Variants in USP34 observed in about 807,000 individuals in gnomAD.
The protein encoded by USP34 is ubiquitin specific peptidase 34, also known as ubiquitin carboxyl-terminal hydrolase 34.
USP34 carries 70 observed loss-of-function variants against 460.3 expected under a neutral mutation model. The ratio of observed to expected loss-of-function variants is 0.15; its 90% CI spans 0.13 to 0.19. The LOEUF is 0.19. USP34 is among the 10% of genes least tolerant of loss of function. USP34 has a pLI of 1.00. For synonymous variants in USP34, 1,647 were observed against 1,405.3 expected, an observed-to-expected ratio of 1.17 and a Z score of -3.85; for missense variants, 3,985 against 4,236.2, an observed-to-expected ratio of 0.94 and a Z score of 1.65.
intron 21 of USP34, among the ~76,000 whole-genome samples, chr2:61,322,709 G>A (rs776131323): frequency 4.6e-5 from 7 of 152,108 alleles, no homozygotes; most frequent in Non-Finnish European, 1.0e-4. Flanking sequence ...AGTTTTATCA[G>A]AAAAAAGTTA....
chr2:61,390,657 CA>C (rs1693316493), intron 5 of USP34, among the ~76,000 whole-genome samples: 1 of 152,154 alleles, frequency 6.6e-6, no homozygotes, highest in African/African-American at 2.4e-5. Context: ...GAGATTGAAA[CA>C]AATGTATGGG....
intron 34 of USP34, among the ~76,000 whole-genome samples, chr2:61,288,321 A>G (rs1378605085): frequency 6.6e-6 from 1 of 152,202 alleles, no homozygotes; most frequent in Non-Finnish European, 1.5e-5. Context: ...TTTTGTTTTT[A>G]AAGCCTTGTA....
intron 69 of USP34, among the ~76,000 whole-genome samples, chr2:61,209,717 A>G (rs1304547541): frequency 1.3e-5 from 2 of 152,234 alleles, no homozygotes; most frequent in Non-Finnish European, 2.9e-5. Context: ...TTATTTCAAA[A>G]AAAGTTAAAT....
At chr2:61,308,319 T>G (rs536298336) in intron 27 of USP34, among the ~76,000 whole-genome samples, 2 of 152,032 alleles carry the variant, frequency 1.3e-5, no homozygotes, top group Non-Finnish European at 2.9e-5. Flanking sequence ...ACTTTAAAAA[T>G]AGGCATATTT....
intron 8 of USP34, among the ~76,000 whole-genome samples, chr2:61,375,153 T>C (rs764220874): frequency 6.6e-6 from 1 of 152,166 alleles, no homozygotes; most frequent in Non-Finnish European, 1.5e-5. Flanking sequence ...AAAGCTGCTC[T>C]ACATCATTAA....
intron 19 of USP34, 54 bp from the exon 20 acceptor site, chr2:61,331,425 A>T (rs995530299): frequency 6.9e-7 from 1 of 1,450,210 alleles, no homozygotes; most frequent in African/African-American, 1.4e-5. Flanking sequence ...AAGAGAATAA[A>T]TCTATGCTAT....
intron 48 of USP34, chr2:61,250,144 G>C (rs1417173894): frequency 6.4e-6 from 1 of 157,042 alleles, no homozygotes; most frequent in African/African-American, 2.4e-5. Flanking sequence ...CAACTACTCG[G>C]GAGGCTGAGG....
chr2:61,200,420 A>T (rs1026089307), intron 75 of USP34: 3 of 151,986 alleles, frequency 2.0e-5, no homozygotes, highest in African/African-American at 4.8e-5. Context: ...AAACACTCCA[A>T]CCCTCTCGCT....
chr2:61,442,757 G>A (rs1032387127), intron 1 of USP34, among the ~76,000 whole-genome samples: 10 of 152,108 alleles, frequency 6.6e-5, no homozygotes, highest in Non-Finnish European at 1.3e-4. Flanking sequence ...CCACTGCTAG[G>A]CATTTATCCA....
rs565572565 is a variant in USP34 at position 61,225,392 on chromosome 2, A to G, written c.7595+1675T>C. ...ACAATTCTTTTTGTCCTTCATATAC[A>G]TCCCACTAGAAATTTACCTATTTAA... On this transcript the variant is annotated intron_variant, in intron 62 of 79. Transcript: ENST00000398571. 3.9e-5 allele frequency among the ~76,000 whole-genome samples: 6 copies of G among 152,148 alleles called. No individual in the cohort carries two copies. In the East Asian group the frequency reaches 1.2e-3, roughly 29 times the overall value.
intron 23 of USP34, among the ~76,000 whole-genome samples, chr2:61,315,395 C>CA (rs1690712742): frequency 6.7e-6 from 1 of 149,064 alleles, no homozygotes; most frequent in African/African-American, 2.5e-5. Flanking sequence ...TTTTTGAGAA[C>CA]AGAGTCTCAC....
chr2:61,443,370 AAC>A (rs1260719134), intron 1 of USP34, among the ~76,000 whole-genome samples: 2 of 152,176 alleles, frequency 1.3e-5, no homozygotes, highest in African/African-American at 4.8e-5. Context: ...TATATGTATC[AAC>A]ACATCACTAT....
Position 61,350,703 on chromosome 2 carries a change from C to G in USP34, c.1252-10G>C, listed in dbSNP as rs1339953510. 6.2e-7 allele frequency: 1 copy of G among 1,603,926 alleles called. No individual in the cohort carries two copies. The highest frequency in any genetic ancestry group is 1.7e-5 in the Admixed American group (1 of 57,334). ...GACTACAATGTTTCAACTAGAAAATCAAGTTAGAGAGAATGGTCAAAAATA... is the reference window on the plus strand; with the variant it reads ...GACTACAATGTTTCAACTAGAAAATGAAGTTAGAGAGAATGGTCAAAAATA... On this transcript the variant is annotated splice_polypyrimidine_tract_variant and intron_variant, in intron 10 of 79. Coordinates refer to ENST00000398571, the MANE Select transcript of USP34 (RefSeq NM_014709.4).
intron 1 of USP34, among the ~76,000 whole-genome samples, chr2:61,464,314 G>C (rs575100445): frequency 6.6e-6 from 1 of 152,124 alleles, no homozygotes; most frequent in African/African-American, 2.4e-5. Flanking sequence ...GTGAGACTCC[G>C]TCTCAAAAAC....
intron 5 of USP34, among the ~76,000 whole-genome samples, chr2:61,388,707 G>C (rs907203624): frequency 2.6e-4 from 39 of 151,898 alleles, no homozygotes; most frequent in African/African-American, 8.7e-4. Flanking sequence ...AGTGAGCTGA[G>C]ATCACGCCAC....
At chr2:61,312,482 G>A (rs1272526436) in intron 25 of USP34, among the ~76,000 whole-genome samples, 5 of 150,606 alleles carry the variant, frequency 3.3e-5, no homozygotes, top group Admixed American at 3.3e-4. Context: ...TTTCAGATGT[G>A]GAAGACAGGA....
At chr2:61,455,195 T>C (rs943456022) in intron 1 of USP34, among the ~76,000 whole-genome samples, 4 of 151,336 alleles carry the variant, frequency 2.6e-5, no homozygotes, top group Non-Finnish European at 5.9e-5. Context: ...TTGTTTGTTT[T>C]TGAGACAGAG....
intron 33 of USP34, among the ~76,000 whole-genome samples, chr2:61,289,518 C>CA (rs1689785535): frequency 6.6e-6 from 1 of 152,018 alleles, no homozygotes; most frequent in South Asian, 2.1e-4. Flanking sequence ...CACTTATGTA[C>CA]AAGATGAGAG....
intron 53 of USP34, 140 bp downstream of exon 53, chr2:61,241,420 C>T: frequency 1.8e-6 from 1 of 569,016 alleles, no homozygotes; most frequent in South Asian, 2.6e-5. Flanking sequence ...TCAGTATTAC[C>T]AAGACTATTT....
Sources: allele counts gnomAD v4.1 joint callset (sites outside exome capture counted in the v4.1 genomes callset), GRCh38; gene constraint gnomAD v4.1.1; transcripts MANE v1.5; gene names NCBI Gene and HGNC (gene_info 2026-07-23, HGNC 2026-07-21).